FRMD4A: variants seen among roughly 807,000 people sequenced by gnomAD.
The protein encoded by FRMD4A is FERM domain-containing protein 4A.
A neutral mutation model predicts 129.1 loss-of-function variants in FRMD4A; 29 were observed. That is an observed-to-expected ratio of 0.22 (90% CI 0.17 to 0.31). The LOEUF is 0.31. FRMD4A is among the 10% of genes least tolerant of loss of function. FRMD4A has a pLI of 1.00. For missense variants in FRMD4A, 1,272 were observed against 1,375.8 expected (o/e 0.92, Z 1.19); for synonymous variants, 634 against 571.6 (o/e 1.11, Z -1.56).
chr10:14,085,419 T>C (rs1759745927), intron 2 of FRMD4A, among the ~76,000 whole-genome samples: 1 of 152,190 alleles, frequency 6.6e-6, no homozygotes, highest in Admixed American at 6.5e-5. Context: ...GCAAAAATAG[T>C]AGCTTTTCAG....
chr10:13,984,064 G>A (rs2095572331), intron 2 of FRMD4A, among the ~76,000 whole-genome samples: 1 of 151,960 alleles, frequency 6.6e-6, no homozygotes, highest in Non-Finnish European at 1.5e-5. Context: ...TCTCGGTAGT[G>A]AGCCACTGAT....
chr10:13,988,449 T>C (rs550671985), intron 2 of FRMD4A, among the ~76,000 whole-genome samples: 1 of 152,338 alleles, frequency 6.6e-6, no homozygotes, highest in East Asian at 1.9e-4. Context: ...TTCTCTCTTA[T>C]GATCACCTCC....
chr10:14,199,449 G>A (rs1303546812), intron 2 of FRMD4A, among the ~76,000 whole-genome samples: 1 of 151,762 alleles, frequency 6.6e-6, no homozygotes, highest in Non-Finnish European at 1.5e-5. Flanking sequence ...CACCTCCCGG[G>A]CTCAATCTCA....
chr10:14,227,014 C>T (rs1350829007), intron 2 of FRMD4A, among the ~76,000 whole-genome samples: 1 of 152,096 alleles, frequency 6.6e-6, no homozygotes, highest in Non-Finnish European at 1.5e-5. Context: ...TCAGGCCTGC[C>T]ACGATCTAGT....
chr10:13,950,162 C>G (rs528649287), intron 2 of FRMD4A, among the ~76,000 whole-genome samples: 1 of 152,312 alleles, frequency 6.6e-6, no homozygotes, highest in African/African-American at 2.4e-5. Flanking sequence ...TGTACACACC[C>G]TAAAATCCTG....
chr10:13,854,541 T>C (rs1049387229), intron 3 of FRMD4A, among the ~76,000 whole-genome samples: 3 of 151,968 alleles, frequency 2.0e-5, no homozygotes, highest in Non-Finnish European at 4.4e-5. Flanking sequence ...CTGTCTCATC[T>C]TCCCAAGTAG....
intron 2 of FRMD4A, among the ~76,000 whole-genome samples, chr10:13,863,684 T>C (rs538810133): frequency 4.6e-4 from 70 of 151,918 alleles, no homozygotes; most frequent in African/African-American, 1.6e-3. Context: ...TAGGAGTAGA[T>C]GTGCAACGCT....
intron 18 of FRMD4A, 94 bp downstream of exon 18, chr10:13,666,003 C>T: frequency 2.7e-6 from 2 of 741,090 alleles, no homozygotes; most frequent in Non-Finnish European, 4.8e-6. Context: ...TAGGCAGCTG[C>T]TCAGGTCGTG....
intron 2 of FRMD4A, among the ~76,000 whole-genome samples, chr10:14,080,786 A>G (rs1344253002): frequency 6.6e-6 from 1 of 151,942 alleles, no homozygotes; most frequent in Non-Finnish European, 1.5e-5. Flanking sequence ...TGGCATCTCT[A>G]TACCTCATGG....
At chr10:14,127,647 C>T (rs1838919565) in intron 2 of FRMD4A, among the ~76,000 whole-genome samples, 1 of 152,182 alleles carries the variant, frequency 6.6e-6, no homozygotes, top group Admixed American at 6.5e-5. Flanking sequence ...GTGGGAATGG[C>T]TATCTTTTTT....
At chr10:14,294,575 T>C (rs1173149907) in intron 2 of FRMD4A, among the ~76,000 whole-genome samples, 1 of 152,134 alleles carries the variant, frequency 6.6e-6, no homozygotes, top group Non-Finnish European at 1.5e-5. Flanking sequence ...AATGGACAAA[T>C]CAGTGAAATG....
chr10:14,127,955 T>TC (rs1564319137), intron 2 of FRMD4A, among the ~76,000 whole-genome samples: 7 of 26,702 alleles, frequency 2.6e-4, no homozygotes, highest in African/African-American at 1.6e-3. Context: ...TCTTTCTTTC[T>TC]TTCTTTCTTT....
chr10:13,807,033 T>C (rs2093367553), intron 4 of FRMD4A, among the ~76,000 whole-genome samples: 1 of 152,164 alleles, frequency 6.6e-6, no homozygotes, highest in East Asian at 1.9e-4. Flanking sequence ...GGTCTCGATC[T>C]CCTGACCTCA....
chr10:13,707,484 G>A, intron 12 of FRMD4A: 3 of 1,015,364 alleles, frequency 3.0e-6, no homozygotes, highest in East Asian at 8.8e-5. Flanking sequence ...GGACCCAGCA[G>A]GGAAGGCGGC....
intron 2 of FRMD4A, among the ~76,000 whole-genome samples, chr10:13,942,793 C>T (rs373042260): frequency 2.0e-5 from 3 of 151,924 alleles, no homozygotes; most frequent in African/African-American, 4.8e-5. Flanking sequence ...ATTAGCTGGG[C>T]GTGGTGGCGC....
At chr10:13,920,157 T>C (rs1314027542) in intron 2 of FRMD4A, among the ~76,000 whole-genome samples, 2 of 152,162 alleles carry the variant, frequency 1.3e-5, no homozygotes, top group Non-Finnish European at 2.9e-5. Flanking sequence ...TCATCAGGTA[T>C]AAAACAATCA....
chr10:14,297,570 C>T (rs1007563204), intron 2 of FRMD4A, among the ~76,000 whole-genome samples: 1 of 152,334 alleles, frequency 6.6e-6, no homozygotes, highest in Admixed American at 6.5e-5. Flanking sequence ...CCAACACCCA[C>T]TAGAACCTAT....
chr10:14,025,048 C>A (rs909710793), intron 2 of FRMD4A, among the ~76,000 whole-genome samples: 1 of 152,212 alleles, frequency 6.6e-6, no homozygotes, highest in Non-Finnish European at 1.5e-5. Context: ...TACACGATGA[C>A]TGAAAAGCAC....
chr10:14,205,143 C>T (rs540446620), intron 2 of FRMD4A, among the ~76,000 whole-genome samples: 1 of 150,070 alleles, frequency 6.7e-6, no homozygotes, highest in Non-Finnish European at 1.5e-5. Flanking sequence ...CTTTTGACAA[C>T]GTTAGCCATA....
Sources: allele counts gnomAD v4.1 joint callset (sites outside exome capture counted in the v4.1 genomes callset), GRCh38; gene constraint gnomAD v4.1.1; transcripts MANE v1.5; gene names NCBI Gene and HGNC (gene_info 2026-07-23, HGNC 2026-07-21).